Variants in PPIL2 observed in about 807,000 individuals in gnomAD.
PPIL2 encodes RING-type E3 ubiquitin-protein ligase PPIL2.
In PPIL2, 50 loss-of-function variants were observed where a neutral mutation model predicts 75.2. The observed-to-expected ratio is 0.66, with a 90% confidence interval of 0.53 to 0.84. The LOEUF (loss-of-function observed/expected upper bound fraction) is 0.84, where lower values mean the gene tolerates loss of function less well. Ranked by LOEUF, PPIL2 falls within the 40% of genes least tolerant of loss-of-function variation. PPIL2 has a pLI of 0.00. For missense variants in PPIL2, 590 were observed against 685.0 expected (o/e 0.86, Z 1.55); for synonymous variants, 245 against 258.8 (o/e 0.95, Z 0.51).
chr22:21,673,029 T>C (rs1003603694), intron 5 of PPIL2, among the ~76,000 whole-genome samples: 2 of 152,070 alleles, frequency 1.3e-5, no homozygotes, highest in Non-Finnish European at 2.9e-5. Flanking sequence ...GTAGATGGAG[T>C]TGGTGCTCCT....
intron 9 of PPIL2, among the ~76,000 whole-genome samples, chr22:21,684,482 A>T (rs961413346): frequency 1.3e-4 from 19 of 151,218 alleles, no homozygotes; most frequent in African/African-American, 4.6e-4. Flanking sequence ...AAAAGAAAAA[A>T]AAAGCAAAGC....
In PPIL2 at chr22:21,670,917, G is replaced by A; in HGVS notation, c.129-80G>A. 4.4e-6 allele frequency: 6 copies of A among 1,356,912 alleles called. No individual in the cohort carries two copies. The South Asian group carries it at 7.0e-5, about 16-fold the overall frequency. 84.1% of individuals were successfully genotyped at this position (1,356,912 alleles called of 1,614,324 possible). On this transcript the variant is annotated intron_variant, in intron 3 of 19. Coordinates refer to ENST00000398831, the MANE Select transcript of PPIL2 (RefSeq NM_014337.4). ...GGCTCCCTGGGACAGCATTTCAGGAGGTCACCATGCCAGTCTCAGCCAGCC... is the reference window on the plus strand; with the variant it reads ...GGCTCCCTGGGACAGCATTTCAGGAAGTCACCATGCCAGTCTCAGCCAGCC...
At position 21,682,991 on chromosome 22, in the gene PPIL2, T is replaced by A. The variant is rs528906256; in HGVS notation, c.478-191T>A. Among the ~76,000 whole-genome samples, 19 of 152,296 alleles carry A rather than the reference T, an allele frequency of 1.2e-4. 1 individual carries two copies. In the South Asian group the frequency reaches 2.7e-3, roughly 22 times the overall value. On this transcript the variant is annotated intron_variant, in intron 8 of 19. Transcript: ENST00000398831. The stretch of plus-strand genomic sequence containing the variant: ...GCTAGCGAGGCTGCGTCCCCGTCCC[T>A]GCCCCTGCCCCTGTTTGCTGCCCTG...
rs1181664656 is a variant in PPIL2 at position 21,694,995 on chromosome 22, G to A, written c.1391G>A (p.Ser464Asn). 1 of 1,613,568 alleles carries A rather than the reference G, an allele frequency of 6.2e-7. No homozygotes were observed. The highest frequency in any genetic ancestry group is 1.3e-5 in the African/African-American group (1 of 74,942). ...KVAPETKVKS[S>N]QPQAGSQGPQ... ...GCCCCGGAGACCAAAGTGAAGAGCA[G>A]CCAGCCCCAGGCAGGGAGCCAGGGC... is the stretch of plus-strand genomic sequence containing the variant. Residue 464 changes from serine to asparagine, a missense_variant, in exon 19 of 20, where the codon AGC becomes AAC. Physicochemically the swap from Ser to Asn is conservative, Grantham distance 46. Transcript: ENST00000398831.
At chr22:21,690,738 T>C (rs861827) in intron 15 of PPIL2, among the ~76,000 whole-genome samples, 99,759 of 151,984 alleles carry the variant, frequency 0.66, 33,597 homozygotes, top group African/African-American at 0.8. Context: ...TGAGGGTGCA[T>C]GTTCCCTCTT....
chr22:21,694,697 T>TG (rs748312473), intron 17 of PPIL2, 32 bp downstream of exon 17: 41 of 1,613,040 alleles, frequency 2.5e-5, no homozygotes, highest in Non-Finnish European at 3.4e-5. Flanking sequence ...GCGTGGCGGC[T>TG]GGGGGCCAGG....
chr22:21,676,370 CTT>C (rs1046398321), intron 6 of PPIL2, among the ~76,000 whole-genome samples: 2 of 136,736 alleles, frequency 1.5e-5, no homozygotes, highest in East Asian at 2.0e-4. Flanking sequence ...CTCCAAACCT[CTT>C]TTTTTTTTTA....
intron 6 of PPIL2, among the ~76,000 whole-genome samples, chr22:21,679,506 G>A (rs1198530554): frequency 6.6e-6 from 1 of 152,076 alleles, no homozygotes; most frequent in African/African-American, 2.4e-5. Context: ...GGAGGCTGAG[G>A]TGGGAGGATT....
Position 21,697,081 on chromosome 22 carries a change from C to T in PPIL2, c.*1591C>T, listed in dbSNP as rs1369567563. On this transcript the variant is annotated 3_prime_UTR_variant, in exon 20 of 20. Coordinates refer to ENST00000398831, the MANE Select transcript of PPIL2 (RefSeq NM_014337.4). ...TGGGCTCTAGAGTGACTTTTGACGC[C>T]CTCCATCCCTCCCGCCAGGCACTGT... 2 of 1,277,196 alleles carry T rather than the reference C, an allele frequency of 1.6e-6. No homozygotes were observed. Among genetic ancestry groups the T allele is most frequent in the African/African-American group, 3.0e-5 (2 of 67,520 alleles). 79.1% of individuals were successfully genotyped at this position (1,277,196 alleles called of 1,614,324 possible).
rs1259402003 is a variant in PPIL2, at chr22:21,687,719, T to C, written c.974T>C (p.Ile325Thr). Residue 325 changes from isoleucine to threonine, a missense_variant, in exon 13 of 20, where the codon ATC becomes ACC. Ile to Thr is a moderately conservative substitution (Grantham distance 89). Coordinates refer to ENST00000398831, the MANE Select transcript of PPIL2 (RefSeq NM_014337.4). ...GATGGCACCATCTTCCACAGATCCA[T>C]CCGGAACTTTGTGGTGAGTGACGAG... ...YYDGTIFHRS[I>T]RNFVIQGGDP... The C allele has an allele frequency of 3.7e-6, 6 of 1,612,304 alleles. No individual in the cohort carries two copies. The highest frequency in any genetic ancestry group is 5.1e-6 in the Non-Finnish European group (6 of 1,178,982).
At chr22:21,682,023 C>T (rs1425674231) in intron 7 of PPIL2, among the ~76,000 whole-genome samples, 2 of 152,352 alleles carry the variant, frequency 1.3e-5, no homozygotes, top group Admixed American at 6.5e-5. Flanking sequence ...GGTCAGTCCT[C>T]GTTAGTGGAG....
chr22:21,699,647 C>T (rs907137534), downstream of PPIL2: 1 of 152,742 alleles, frequency 6.5e-6, no homozygotes, highest in Admixed American at 6.5e-5. Context: ...GTTGCTTTAA[C>T]CTTTTCTGAA....
chr22:21,698,182 C>T (rs1299236684), downstream of PPIL2: 1 of 145,102 alleles, frequency 6.9e-6, no homozygotes, highest in African/African-American at 2.6e-5. Flanking sequence ...ATGGTCTGTT[C>T]ATTTGGTTTA....
intron 6 of PPIL2, among the ~76,000 whole-genome samples, chr22:21,678,302 G>A (rs907122625): frequency 3.3e-5 from 5 of 152,164 alleles, no homozygotes; most frequent in Non-Finnish European, 7.4e-5. Flanking sequence ...CACAGTCTCA[G>A]CTCACTGCAA....
At chr22:21,670,025 G>C in intron 2 of PPIL2, 63 bp downstream of exon 2, 1 of 1,487,126 alleles carries the variant, frequency 6.7e-7, no homozygotes, top group Non-Finnish European at 9.4e-7. Flanking sequence ...GTGTCTTCAG[G>C]ATACAGTGAG....
chr22:21,684,951 G>A (rs370385841), intron 10 of PPIL2, 38 bp downstream of exon 10: 21 of 1,606,816 alleles, frequency 1.3e-5, no homozygotes, highest in South Asian at 6.6e-5. Flanking sequence ...CCCAAGCCCC[G>A]TCTTCCTGCC....
At chr22:21,681,769 C>T (rs1231664763) in intron 7 of PPIL2, among the ~76,000 whole-genome samples, 1 of 152,232 alleles carries the variant, frequency 6.6e-6, no homozygotes, top group Non-Finnish European at 1.5e-5. Context: ...AGTCACTTGC[C>T]CCCAGGAGGG....
chr22:21,678,723 T>C (rs1569026709), intron 6 of PPIL2, among the ~76,000 whole-genome samples: 2 of 152,006 alleles, frequency 1.3e-5, no homozygotes, highest in South Asian at 2.1e-4. Flanking sequence ...TCAGAAGGAT[T>C]TTTGTTTGTT....
intron 15 of PPIL2, among the ~76,000 whole-genome samples, chr22:21,690,981 T>TTTTTA (rs2067600340): frequency 9.1e-6 from 1 of 109,642 alleles, no homozygotes; most frequent in African/African-American, 3.5e-5. Flanking sequence ...TTTTTTTTTT[T>TTTTTA]GAGATGGAGT....
Sources: allele counts gnomAD v4.1 joint callset (sites outside exome capture counted in the v4.1 genomes callset), GRCh38; gene constraint gnomAD v4.1.1; transcripts MANE v1.5; gene names NCBI Gene and HGNC (gene_info 2026-07-23, HGNC 2026-07-21).